STARD13: variants seen among roughly 807,000 people sequenced by gnomAD.
The protein encoded by STARD13 is stAR-related lipid transfer protein 13.
In STARD13, 62 loss-of-function variants were observed where a neutral mutation model predicts 106.4. The ratio of observed to expected loss-of-function variants is 0.58; its 90% CI spans 0.48 to 0.72. The LOEUF is 0.72. Ranked by LOEUF, STARD13 falls within the 30% of genes least tolerant of loss-of-function variation. The pLI is 0.00. For missense variants in STARD13, 1,387 were observed against 1,424.0 expected (o/e 0.97, Z 0.42); for synonymous variants, 565 against 553.0 (o/e 1.02, Z -0.31).
intron 4 of STARD13, among the ~76,000 whole-genome samples, chr13:33,141,422 G>C (rs542956255): frequency 6.6e-6 from 1 of 152,190 alleles, no homozygotes; most frequent in Non-Finnish European, 1.5e-5. Context: ...CTAGAAAACA[G>C]TACATATTCA....
At chr13:33,436,346 G>T in the STARD13 span, among the ~76,000 whole-genome samples, 1 of 152,068 alleles carries the variant, frequency 6.6e-6, no homozygotes, top group South Asian at 2.1e-4. Flanking sequence ...AAATATTCTT[G>T]ACAGTGAAGA....
intron 5 of STARD13, 46 bp downstream of exon 5, chr13:33,128,883 A>G (rs1877664803): frequency 1.3e-6 from 2 of 1,541,374 alleles, no homozygotes; most frequent in Non-Finnish European, 8.7e-7. Flanking sequence ...GAACACAATT[A>G]CTATGAAATG....
intron 1 of STARD13, among the ~76,000 whole-genome samples, chr13:33,316,143 A>T (rs1279953372): frequency 1.3e-5 from 2 of 152,082 alleles, no homozygotes; most frequent in Non-Finnish European, 2.9e-5. Flanking sequence ...GGGTCTTCAG[A>T]CTCTACCTTC....
the STARD13 span, among the ~76,000 whole-genome samples, chr13:33,650,253 C>A: frequency 5.6e-4 from 68 of 121,040 alleles, 6 homozygotes; most frequent in African/African-American, 2.2e-3. Context: ...TGCAGTGGCG[C>A]GATCTCTGCT....
chr13:33,188,023 G>A (rs1157808654), intron 1 of STARD13: 3 of 152,156 alleles, frequency 2.0e-5, no homozygotes, highest in South Asian at 2.1e-4. Flanking sequence ...GGCAAAACCC[G>A]GCTGACTATG....
At position 33,110,089 on chromosome 13, in the gene STARD13, A is replaced by T; in HGVS notation, c.2831T>A (p.Val944Glu). Residue 944 changes from valine (V) to glutamate (E), a missense_variant and splice_region_variant, in exon 12 of 14, where the codon GTG becomes GAG. Coordinates refer to ENST00000336934, the MANE Select transcript of STARD13 (RefSeq NM_178006.4). ...TDNTDLAFKK[V>E]GDGNPLKLWK... ...CAGCTTCAGCGGGTTCCCGTCGCCC[A>T]CCTTGGGAAAGACAACGTCAGAAGC... 6.2e-7 allele frequency: 1 copy of T among 1,613,958 alleles called. No homozygotes were observed. The highest frequency in any genetic ancestry group is 8.5e-7 in the Non-Finnish European group (1 of 1,179,914).
chr13:33,128,740 C>T (rs1032525532), intron 5 of STARD13, among the ~76,000 whole-genome samples, 189 bp downstream of exon 5: 4 of 152,176 alleles, frequency 2.6e-5, no homozygotes, highest in Admixed American at 1.3e-4. Flanking sequence ...TATGAGTTCA[C>T]ATGGATTCAA....
exon 2 of STARD13, chr13:33,348,988 C>T: frequency 1.6e-6 from 1 of 616,306 alleles, no homozygotes; most frequent in Non-Finnish European, 2.9e-6. Context: ...GCATCTTCCC[C>T]AGAATGCTTT....
At chr13:33,675,564 T>C in the STARD13 span, among the ~76,000 whole-genome samples, 1 of 152,156 alleles carries the variant, frequency 6.6e-6, no homozygotes, top group African/African-American at 2.4e-5. Flanking sequence ...AGAAAGGATA[T>C]GGAGCAAGAA....
the STARD13 span, among the ~76,000 whole-genome samples, chr13:33,421,503 A>T: frequency 6.6e-6 from 1 of 152,206 alleles, no homozygotes; most frequent in Admixed American, 6.5e-5. Context: ...TCACAGCCGA[A>T]CTCTACCAAG....
At chr13:33,586,952 G>T in the STARD13 span, among the ~76,000 whole-genome samples, 1 of 152,098 alleles carries the variant, frequency 6.6e-6, no homozygotes, top group Non-Finnish European at 1.5e-5. Flanking sequence ...GGTGGCTCAC[G>T]CCTGTAATCC....
In STARD13 at chr13:33,111,762, C is replaced by G; in HGVS notation, c.2607+16G>C. 1 of 1,560,510 alleles carries G rather than the reference C, an allele frequency of 6.4e-7. No homozygotes were observed. Among genetic ancestry groups the G allele is most frequent in the Non-Finnish European group, 8.8e-7 (1 of 1,131,238 alleles). On this transcript the variant is annotated intron_variant, in intron 10 of 13. Transcript: ENST00000336934. ...AAGAGCTACTAGGGAGGCGGAGGTT[C>G]GAGCCTTTTGCTCACCTCAAAAAGT... is the stretch of plus-strand genomic sequence containing the variant.
At chr13:33,242,346 T>G (rs1004694447) in intron 1 of STARD13, among the ~76,000 whole-genome samples, 1 of 152,182 alleles carries the variant, frequency 6.6e-6, no homozygotes, top group Non-Finnish European at 1.5e-5. Flanking sequence ...GAGATCAGAT[T>G]GTTACTGTGT....
the STARD13 span, among the ~76,000 whole-genome samples, chr13:33,645,318 C>T: frequency 1.3e-4 from 20 of 152,164 alleles, no homozygotes; most frequent in African/African-American, 4.6e-4. Context: ...CACTAACAGC[C>T]AGCATCAACT....
At chr13:33,464,047 A>ATATATATATATATATATATG in the STARD13 span, among the ~76,000 whole-genome samples, 1 of 147,506 alleles carries the variant, frequency 6.8e-6, no homozygotes, top group Non-Finnish European at 1.5e-5. Context: ...ATATATGTAT[A>ATATATATATATATATATATG]TGTATATGTA....
intron 1 of STARD13, among the ~76,000 whole-genome samples, chr13:33,237,291 A>G (rs191337847): frequency 3.0e-4 from 45 of 152,304 alleles, no homozygotes; most frequent in Middle Eastern, 3.4e-3. Flanking sequence ...TAATGAAGTC[A>G]TGTTGTAATC....
intron 1 of STARD13, among the ~76,000 whole-genome samples, chr13:33,266,679 C>T (rs1890912785): frequency 6.6e-6 from 1 of 152,152 alleles, no homozygotes; most frequent in South Asian, 2.1e-4. Context: ...CCAGTGGTCT[C>T]CCCTCTTTAC....
the STARD13 span, among the ~76,000 whole-genome samples, chr13:33,543,943 A>AT: frequency 2.6e-5 from 4 of 152,234 alleles, no homozygotes; most frequent in African/African-American, 9.6e-5. Flanking sequence ...GACTCCGTGG[A>AT]TGGGAAGTAG....
At chr13:33,187,155 G>A (rs1035472843) in intron 1 of STARD13, among the ~76,000 whole-genome samples, 2 of 152,126 alleles carry the variant, frequency 1.3e-5, no homozygotes, top group African/African-American at 2.4e-5. Context: ...CTTAACTTCC[G>A]TTTCTGTTTA....
Sources: gnomAD v4.1 joint callset for allele counts (sites outside exome capture counted in the v4.1 genomes callset) on GRCh38, gnomAD v4.1.1 for gene constraint, MANE v1.5 for transcripts, NCBI Gene and HGNC (gene_info 2026-07-23, HGNC 2026-07-21) for gene names.